Variants in ATF7IP observed in about 807,000 individuals in gnomAD.
ATF7IP encodes the protein activating transcription factor 7-interacting protein 1.
ATF7IP carries 23 observed loss-of-function variants against 106.4 expected under a neutral mutation model. The ratio of observed to expected loss-of-function variants is 0.22; its 90% confidence interval spans 0.16 to 0.31. The LOEUF (loss-of-function observed/expected upper bound fraction) is 0.31, where lower values mean the gene tolerates loss of function less well. Among genes scored for constraint, ATF7IP ranks in the 10% least tolerant of loss-of-function variants. ATF7IP has a pLI of 1.00. For synonymous variants in ATF7IP, 542 were observed against 539.0 expected (o/e 1.01, Z -0.08); for missense variants, 1,334 against 1,524.3 (o/e 0.88, Z 2.08).
chr12:14,406,505 A>G (rs1442565064), intron 1 of ATF7IP, among the ~76,000 whole-genome samples: 1 of 152,186 alleles, frequency 6.6e-6, no homozygotes. Context: ...GGATAACAGT[A>G]TAAGTTAAGA....
chr12:14,457,052 A>G (rs1269871896), intron 7 of ATF7IP, among the ~76,000 whole-genome samples, 155 bp from the exon 8 acceptor site: 1 of 152,232 alleles, frequency 6.6e-6, no homozygotes, highest in African/African-American at 2.4e-5. Context: ...TCTTTGTGCC[A>G]GCTATGCCTC....
intron 5 of ATF7IP, among the ~76,000 whole-genome samples, chr12:14,443,087 G>A (rs980886949): frequency 2.6e-5 from 4 of 152,104 alleles, no homozygotes; most frequent in African/African-American, 7.2e-5. Flanking sequence ...CCCAGGAGGC[G>A]GAGGTTGCAG....
chr12:14,397,309 T>G (rs1358025736), intron 1 of ATF7IP, among the ~76,000 whole-genome samples: 1 of 152,200 alleles, frequency 6.6e-6, no homozygotes, highest in Non-Finnish European at 1.5e-5. Context: ...AAAAAGTGTT[T>G]GTGTTCCTTT....
intron 1 of ATF7IP, among the ~76,000 whole-genome samples, chr12:14,375,322 G>T (rs1358209941): frequency 6.6e-6 from 1 of 151,794 alleles, no homozygotes; most frequent in African/African-American, 2.4e-5. Flanking sequence ...ATAAATAGTT[G>T]CTTTTAGGAA....
chr12:14,475,986 G>C lies in ATF7IP; in HGVS notation c.2941+18G>C, dbSNP rs761514621. The C allele has an allele frequency of 4.4e-6, 7 of 1,595,652 alleles. No homozygotes were observed. The South Asian group carries it at 7.7e-5, about 18-fold the overall frequency. ...TTCACAAGGTACTTCAATAGTAATT[G>C]TACTAAGCAACGTTTTGATACCATT... On this transcript the variant is annotated intron_variant, in intron 11 of 14. Transcript: ENST00000261168.
Position 14,456,624 on chromosome 12 carries a change from A to G in ATF7IP, c.2059A>G (p.Met687Val), listed in dbSNP as rs750595932. 9 of 1,608,090 alleles carry G rather than the reference A, an allele frequency of 5.6e-6. No homozygotes were observed. The highest frequency in any genetic ancestry group is 4.5e-5 in the East Asian group (2 of 44,776). Residue 687 changes from methionine to valine, a missense_variant, in exon 7 of 15, where the codon ATG becomes GTG. Met to Val is a conservative substitution (Grantham distance 21, BLOSUM62 1). This residue lies in a region of ATF7IP where 171 missense variants were observed against 172.6 expected (regional missense o/e 0.99). Coordinates refer to ENST00000261168, the MANE Select transcript of ATF7IP (RefSeq NM_018179.5). ...AAATGATGTCAACAGCAATAATAAC[A>G]TGTCTTACAGGTGAGAATTCATAGT... is the stretch of plus-strand genomic sequence containing the variant. ...TVNDVNSNNN[M>V]SYRNAGTVRQ...
At chr12:14,412,701 C>A (rs555317669) in intron 1 of ATF7IP, among the ~76,000 whole-genome samples, 1 of 151,432 alleles carries the variant, frequency 6.6e-6, no homozygotes, top group Non-Finnish European at 1.5e-5. Flanking sequence ...AAAAATAGTT[C>A]TTTCTTTTTT....
intron 4 of ATF7IP, among the ~76,000 whole-genome samples, chr12:14,437,405 T>G (rs536132614): frequency 6.6e-6 from 1 of 152,168 alleles, no homozygotes; most frequent in Non-Finnish European, 1.5e-5. Context: ...ATTTGACATA[T>G]GGAGATAATA....
intron 1 of ATF7IP, among the ~76,000 whole-genome samples, chr12:14,376,786 A>G (rs962315776): frequency 1.2e-4 from 18 of 152,166 alleles, no homozygotes; most frequent in Admixed American, 2.0e-4. Context: ...AAGATTTAGT[A>G]GGCATGATTT....
chr12:14,393,761 G>A (rs1389939710), intron 1 of ATF7IP, among the ~76,000 whole-genome samples: 1 of 152,074 alleles, frequency 6.6e-6, no homozygotes, highest in African/African-American at 2.4e-5. Context: ...TTTCTGGATT[G>A]TTACTTTAAA....
At chr12:14,452,096 C>T (rs1591892944) in intron 6 of ATF7IP, among the ~76,000 whole-genome samples, 1 of 151,808 alleles carries the variant, frequency 6.6e-6, no homozygotes, top group African/African-American at 2.4e-5. Flanking sequence ...ATCATTATGT[C>T]CTTCATTGTC....
chr12:14,449,453 G>A (rs1943111490), intron 6 of ATF7IP, among the ~76,000 whole-genome samples: 1 of 152,046 alleles, frequency 6.6e-6, no homozygotes, highest in African/African-American at 2.4e-5. Flanking sequence ...GACCGTATAT[G>A]TGAGTTTATT....
chr12:14,382,610 C>T (rs1424290739), intron 1 of ATF7IP, among the ~76,000 whole-genome samples: 1 of 152,068 alleles, frequency 6.6e-6, no homozygotes, highest in East Asian at 1.9e-4. Context: ...TTGACTTCTT[C>T]CTAGAAAGTA....
At chr12:14,495,961 C>T (rs1025273766) in intron 13 of ATF7IP, among the ~76,000 whole-genome samples, 2 of 152,108 alleles carry the variant, frequency 1.3e-5, no homozygotes, top group East Asian at 1.9e-4. Flanking sequence ...TATTTTCTCA[C>T]GTACTGGTGG....
At chr12:14,440,473 C>T (rs1942644561) in intron 5 of ATF7IP, among the ~76,000 whole-genome samples, 1 of 152,190 alleles carries the variant, frequency 6.6e-6, no homozygotes, top group African/African-American at 2.4e-5. Context: ...AGTTGCTTCA[C>T]TGTCCTACAG....
At chr12:14,394,123 G>A (rs1939715736) in intron 1 of ATF7IP, among the ~76,000 whole-genome samples, 1 of 152,100 alleles carries the variant, frequency 6.6e-6, no homozygotes. Context: ...TTATTATTTG[G>A]TGAAATGTTA....
At chr12:14,451,847 T>G (rs558969007) in intron 6 of ATF7IP, among the ~76,000 whole-genome samples, 27 of 152,324 alleles carry the variant, frequency 1.8e-4, no homozygotes, top group African/African-American at 6.5e-4. Context: ...TGATCCAAGC[T>G]TATCCTATGT....
intron 1 of ATF7IP, among the ~76,000 whole-genome samples, chr12:14,369,879 C>T (rs1040880065): frequency 5.3e-5 from 8 of 151,618 alleles, no homozygotes; most frequent in African/African-American, 1.9e-4. Context: ...GGTCCATTGT[C>T]CTCTAGGGGT....
At chr12:14,423,742 A>G (rs1941668977) in intron 1 of ATF7IP, 167 bp from the exon 2 acceptor site, 1 of 686,712 alleles carries the variant, frequency 1.5e-6, no homozygotes. Flanking sequence ...TATTACACAG[A>G]TGCAGTAAAT....
Sources: gnomAD v4.1 joint callset for allele counts (sites outside exome capture counted in the v4.1 genomes callset) on GRCh38, gnomAD v4.1.1 for gene constraint, gnomAD v4.1.1 regional missense constraint, MANE v1.5 for transcripts, NCBI Gene and HGNC (gene_info 2026-07-23, HGNC 2026-07-21) for gene names.